The following LRRK2 variants were observed in gnomAD, a reference collection of about 807,000 sequenced individuals.
LRRK2 encodes the protein leucine rich repeat kinase 2.
In LRRK2, 203 loss-of-function variants were observed where a neutral mutation model predicts 302.6. That is an observed-to-expected ratio of 0.67 (90% confidence interval 0.60 to 0.75). The LOEUF (loss-of-function observed/expected upper bound fraction) is 0.75, where lower values mean the gene tolerates loss of function less well. LRRK2 is among the 30% of genes least tolerant of loss of function. The pLI, the probability that LRRK2 is intolerant of heterozygous loss-of-function variation, is 0.00. For synonymous variants in LRRK2, 1,066 were observed against 1,031.9 expected (o/e 1.03, Z -0.63); for missense variants, 2,830 against 2,951.0 (o/e 0.96, Z 0.95).
intron 43 of LRRK2, among the ~76,000 whole-genome samples, chr12:40,350,976 A>C (rs992928542): frequency 1.1e-4 from 17 of 152,228 alleles, no homozygotes; most frequent in Non-Finnish European, 2.4e-4. Context: ...CAGACAGAGT[A>C]ATGGGCTTTC....
At chr12:40,263,612 A>G (rs1942875083) in intron 13 of LRRK2, among the ~76,000 whole-genome samples, 177 bp from the exon 14 acceptor site, 1 of 152,186 alleles carries the variant, frequency 6.6e-6, no homozygotes, top group Non-Finnish European at 1.5e-5. Context: ...GTGATGAACT[A>G]TTTTTATAGA....
Position 40,314,149 on chromosome 12 carries a change from G to T in LRRK2, c.4714G>T (p.Ala1572Ser). The T allele has an allele frequency of 1.2e-6, 2 of 1,612,436 alleles. No individual in the cohort carries two copies. The highest frequency in any genetic ancestry group is 2.2e-5 in the South Asian group (2 of 91,054). ...GTTAGATGAAAATGAGCTTCCTCAC[G>T]CAGTTCACTTTCTAAATGAATCAGG... ...LQLDENELPH[A>S]VHFLNESGVL... is the part of the protein sequence containing the mutation. Residue 1572 changes from alanine (A) to serine (S), a missense_variant, in exon 32 of 51, where the codon GCA (alanine) becomes TCA (serine). Ala to Ser is a moderately conservative substitution (Grantham distance 99, BLOSUM62 1). Transcript: ENST00000298910.
intron 33 of LRRK2, among the ~76,000 whole-genome samples, chr12:40,319,394 A>G (rs1354178262): frequency 6.6e-6 from 1 of 152,012 alleles, no homozygotes; most frequent in African/African-American, 2.4e-5. Context: ...TCAAAGCTCA[A>G]AGTGTGATCT....
At chr12:40,294,448 T>C (rs1471819420) in intron 21 of LRRK2, among the ~76,000 whole-genome samples, 1 of 152,036 alleles carries the variant, frequency 6.6e-6, no homozygotes, top group Non-Finnish European at 1.5e-5. Context: ...TAATTCTAGA[T>C]CTTAAGATGG....
Position 40,277,923 on chromosome 12 carries a change from A to C in LRRK2, c.1977A>C (p.Ser659=). The change falls in exon 17 of 51, where the codon TCA becomes TCC. Residue 659 remains serine, a synonymous_variant. Coordinates refer to ENST00000298910, the MANE Select transcript of LRRK2 (RefSeq NM_198578.4). ...CAATCTTAGCAATCCTCAAATTGTC[A>C]GCATCTTTTTCTAAGCTGCTGGTGC... is the stretch of plus-strand genomic sequence containing the variant. The part of the protein sequence containing the change: ...FQTILAILKL[S]ASFSKLLVHH... The C allele has an allele frequency of 6.2e-7, 1 of 1,611,890 alleles. No homozygotes were observed. Among genetic ancestry groups the C allele is most frequent in the Non-Finnish European group, 8.5e-7 (1 of 1,179,666 alleles).
At chr12:40,322,546 G>A (rs1945435296) in intron 37 of LRRK2, 36 bp downstream of exon 37, 1 of 1,552,332 alleles carries the variant, frequency 6.4e-7, no homozygotes, top group East Asian at 2.2e-5. Context: ...GCTTTTAAGT[G>A]ATCCTTCAAT....
At chr12:40,323,716 A>ACCC (rs1565751828) in intron 38 of LRRK2, among the ~76,000 whole-genome samples, 1 of 152,120 alleles carries the variant, frequency 6.6e-6, no homozygotes, top group African/African-American at 2.4e-5. Context: ...ACTCAGTGTG[A>ACCC]CAATGCTGAA....
chr12:40,363,795 G>A (rs376312150), intron 48 of LRRK2, among the ~76,000 whole-genome samples: 11 of 151,968 alleles, frequency 7.2e-5, no homozygotes, highest in East Asian at 5.8e-4. Context: ...GAATGTTCTC[G>A]AATGAAAATA....
rs1224380988 is a variant in LRRK2 at position 40,321,186 on chromosome 12, G to T, written c.5168G>T (p.Arg1723Ile). 3.1e-6 allele frequency: 5 copies of T among 1,611,044 alleles called. No individual in the cohort carries two copies. Among genetic ancestry groups the T allele is most frequent in the Non-Finnish European group, 3.4e-6 (4 of 1,177,936 alleles). Residue 1723 changes from arginine to isoleucine, a missense_variant and splice_region_variant, in exon 35 of 51, where the codon AGA (arginine) becomes ATA (isoleucine). Physicochemically the swap from Arg to Ile is moderately conservative, Grantham distance 97. This residue lies in a region of LRRK2 where 2,121 missense variants were observed against 2,148.0 expected (regional missense o/e 0.99). Coordinates refer to ENST00000298910, the MANE Select transcript of LRRK2 (RefSeq NM_198578.4). ...LEISPYMLSG[R>I]ERALRPNRMY... The stretch of plus-strand genomic sequence containing the variant: ...ATTTCACCTTACATGCTTTCAGGGA[G>T]AGGTAAGTATCTAATGAAGACTTAT...
At chr12:40,298,086 C>T (rs994198466) in intron 23 of LRRK2, among the ~76,000 whole-genome samples, 157 bp from the exon 24 acceptor site, 11 of 151,816 alleles carry the variant, frequency 7.2e-5, no homozygotes, top group Admixed American at 5.9e-4. Context: ...GACGATTGGG[C>T]CAATTAGTAT....
intron 43 of LRRK2, 86 bp from the exon 44 acceptor site, chr12:40,351,453 C>A: frequency 7.6e-7 from 1 of 1,312,014 alleles, no homozygotes; most frequent in African/African-American, 1.4e-5. Flanking sequence ...CTTGACAGAG[C>A]TATAACACTT....
At chr12:40,358,132 T>C (rs1946598261) in intron 46 of LRRK2, among the ~76,000 whole-genome samples, 3 of 152,106 alleles carry the variant, frequency 2.0e-5, no homozygotes, top group South Asian at 4.1e-4. Context: ...TCGAGTTTCT[T>C]GTGTATTCTG....
intron 47 of LRRK2, among the ~76,000 whole-genome samples, chr12:40,361,898 A>C (rs572934200): frequency 6.6e-6 from 1 of 152,196 alleles, no homozygotes; most frequent in Admixed American, 6.6e-5. Flanking sequence ...GGGTAATGAA[A>C]GATGACTGCC....
chr12:40,239,153 T>C (rs1407306273), intron 5 of LRRK2, among the ~76,000 whole-genome samples: 1 of 152,140 alleles, frequency 6.6e-6, no homozygotes, highest in Non-Finnish European at 1.5e-5. Flanking sequence ...CATCTTCCCA[T>C]GGGTTTTCCT....
chr12:40,304,497 T>C, intron 27 of LRRK2: 1 of 242,898 alleles, frequency 4.1e-6, no homozygotes, highest in African/African-American at 2.2e-5. Context: ...ACCCAACATT[T>C]GTACAAAGTA....
At chr12:40,274,820 G>T (rs1592203221) in intron 15 of LRRK2, 34 bp from the exon 16 acceptor site, 1 of 1,608,774 alleles carries the variant, frequency 6.2e-7, no homozygotes, top group South Asian at 1.1e-5. Flanking sequence ...TCAGTTTTGA[G>T]ATTTAAAACA....
At chr12:40,323,940 G>A (rs1463201161) in intron 38 of LRRK2, among the ~76,000 whole-genome samples, 1 of 151,982 alleles carries the variant, frequency 6.6e-6, no homozygotes, top group African/African-American at 2.4e-5. Context: ...GTGAAGTCAT[G>A]GTAACCATGT....
chr12:40,334,962 T>C lies in LRRK2; in HGVS notation c.5758-5T>C. On this transcript the variant is annotated splice_region_variant and splice_polypyrimidine_tract_variant and intron_variant, in intron 39 of 50. Coordinates refer to ENST00000298910, the MANE Select transcript of LRRK2 (RefSeq NM_198578.4). The stretch of plus-strand genomic sequence containing the variant: ...TTACTCTTACATGATTTTGGACTTT[T>C]GCAGGAGCTTGTGGTGCTTTGCCAC... 1 of 1,613,802 alleles carries C rather than the reference T, an allele frequency of 6.2e-7. No homozygotes were observed. Among genetic ancestry groups the C allele is most frequent in the Non-Finnish European group, 8.5e-7 (1 of 1,179,954 alleles).
chr12:40,337,574 C>T lies in LRRK2; in HGVS notation c.5948+2417C>T, dbSNP rs149910780. Among the ~76,000 whole-genome samples the T allele has an allele frequency of 3.3e-5, 5 of 152,278 alleles. No homozygotes were observed. The East Asian group carries it at 9.6e-4, about 29-fold the overall frequency. ...CCGAAAGCAAGTATGCATTTGTCCA[C>T]CAGGTCCTTGACTCTATTTTACATT... On this transcript the variant is annotated intron_variant, in intron 40 of 50. Transcript: ENST00000298910.
Sources: allele counts gnomAD v4.1 joint callset (sites outside exome capture counted in the v4.1 genomes callset), GRCh38; gene constraint gnomAD v4.1.1; regional missense constraint gnomAD v4.1.1; transcripts MANE v1.5; gene names NCBI Gene and HGNC (gene_info 2026-07-23, HGNC 2026-07-21).